The following AP1G1 variants were observed in gnomAD, a reference collection of about 807,000 sequenced individuals.
AP1G1 encodes AP-1 complex subunit gamma-1.
A neutral mutation model predicts 108.3 loss-of-function variants in AP1G1; 7 were observed. The observed-to-expected ratio is 0.06, with a 90% CI of 0.04 to 0.12. The LOEUF (loss-of-function observed/expected upper bound fraction) is 0.12. AP1G1 is among the 10% of genes least tolerant of loss of function. The pLI, the probability that AP1G1 is intolerant of heterozygous loss-of-function variation, is 1.00. For synonymous variants in AP1G1, 379 were observed against 353.5 expected (o/e 1.07, Z -0.81); for missense variants, 756 against 1,010.7 (o/e 0.75, Z 3.42).
chr16:71,806,514 T>C (rs1391426488), intron 1 of AP1G1, among the ~76,000 whole-genome samples: 4 of 152,172 alleles, frequency 2.6e-5, no homozygotes, highest in Non-Finnish European at 2.9e-5. Flanking sequence ...GTGTTGGGAT[T>C]ACAAGCATGA....
chr16:71,758,946 C>CA, intron 10 of AP1G1, 25 bp from the exon 11 acceptor site: 1 of 1,367,240 alleles, frequency 7.3e-7, no homozygotes, highest in Non-Finnish European at 1.0e-6. Flanking sequence ...TGCAAAATAA[C>CA]AGAGTTAAAA....
intron 1 of AP1G1, among the ~76,000 whole-genome samples, chr16:71,794,537 G>A (rs1018637379): frequency 1.2e-4 from 18 of 151,994 alleles, no homozygotes; most frequent in African/African-American, 3.1e-4. Flanking sequence ...AAAAACAGAG[G>A]AAAAAAGGAA....
In AP1G1 at chr16:71,750,321, A is replaced by G. The variant is rs1201462015; in HGVS notation, c.1296T>C (p.Tyr432=). The part of the protein sequence containing the change: ...IMRVLTTAGS[Y]VRDDAVPNLI... ...AATTGGGGACTGCATCATCACGAAC[A>G]TAACTTCCTGCCTAAAAGGAAATGC... The change falls in exon 14 of 23, where the codon TAT becomes TAC. Residue 432 remains tyrosine, a synonymous_variant. Transcript: ENST00000299980. The G allele has an allele frequency of 1.2e-5, 20 of 1,614,000 alleles. No individual in the cohort carries two copies. Among genetic ancestry groups the G allele is most frequent in the Non-Finnish European group, 1.7e-5 (20 of 1,179,980 alleles).
intron 10 of AP1G1, among the ~76,000 whole-genome samples, chr16:71,759,609 A>C (rs548840606): frequency 4.0e-5 from 6 of 150,738 alleles, no homozygotes; most frequent in Middle Eastern, 3.5e-3. Flanking sequence ...AAATACAAAA[A>C]ACTAGCTGGG....
At chr16:71,775,504 A>G (rs71386931) in intron 2 of AP1G1, among the ~76,000 whole-genome samples, 18 of 152,236 alleles carry the variant, frequency 1.2e-4, no homozygotes, top group African/African-American at 2.7e-4. Context: ...TAGAAGTATT[A>G]TAAGAGATTA....
chr16:71,775,613 T>A (rs2031753787), intron 2 of AP1G1, among the ~76,000 whole-genome samples: 1 of 152,072 alleles, frequency 6.6e-6, no homozygotes, highest in African/African-American at 2.4e-5. Flanking sequence ...AAAAACTCAA[T>A]AACTAGAAAT....
At chr16:71,761,045 C>T (rs1393576445) in intron 10 of AP1G1, among the ~76,000 whole-genome samples, 1 of 152,174 alleles carries the variant, frequency 6.6e-6, no homozygotes. Context: ...TAATTTAGAG[C>T]AGGGGTCAAC....
intron 1 of AP1G1, among the ~76,000 whole-genome samples, chr16:71,791,757 C>T (rs1342526382): frequency 7.3e-6 from 1 of 136,458 alleles, no homozygotes; most frequent in Non-Finnish European, 1.5e-5. Context: ...TAACACTAAA[C>T]TCTGACTTTT....
rs2045463051 is a variant in AP1G1 at position 71,730,037 on chromosome 16, G to A, written c.*3021C>T. Reference sequence around the variant, plus strand: ...AAAGTCTATTTTCATATATGAATGGGACAAACAAGGAGTACAAATCACACC... The same window carrying A: ...AAAGTCTATTTTCATATATGAATGGAACAAACAAGGAGTACAAATCACACC... On this transcript the variant is annotated 3_prime_UTR_variant, in exon 23 of 23. Transcript: ENST00000299980. The A allele has an allele frequency of 6.6e-6, 1 of 152,482 alleles. No individual in the cohort carries two copies. Among genetic ancestry groups the A allele is most frequent in the African/African-American group, 2.4e-5 (1 of 41,440 alleles). The allele number at this position is 152,482 out of a possible 1,614,324, so 9.4% of individuals were successfully genotyped here.
At chr16:71,758,423 G>C (rs1317545673) in intron 11 of AP1G1, 10 of 522,614 alleles carry the variant, frequency 1.9e-5, no homozygotes, top group South Asian at 1.3e-4. Flanking sequence ...AGCAGTTTGA[G>C]TGTCAGCATT....
intron 2 of AP1G1, among the ~76,000 whole-genome samples, chr16:71,783,838 T>C (rs2032109025): frequency 6.6e-6 from 1 of 152,196 alleles, no homozygotes; most frequent in Non-Finnish European, 1.5e-5. Flanking sequence ...TTTTATGTAC[T>C]GGCAGAAACA....
chr16:71,738,921 C>T (rs199808145), intron 21 of AP1G1, 21 bp downstream of exon 21: 1 of 1,588,326 alleles, frequency 6.3e-7, no homozygotes, highest in African/African-American at 1.4e-5. Context: ...AAGGAAACAT[C>T]TAAAGAAGAC....
At chr16:71,778,153 A>T (rs1200847542) in intron 2 of AP1G1, among the ~76,000 whole-genome samples, 1 of 152,242 alleles carries the variant, frequency 6.6e-6, no homozygotes, top group African/African-American at 2.4e-5. Flanking sequence ...AACAGCAAAA[A>T]GAAAAGCTGA....
chr16:71,761,199 A>C (rs915343003), intron 10 of AP1G1, among the ~76,000 whole-genome samples: 15 of 152,214 alleles, frequency 9.9e-5, no homozygotes, highest in Non-Finnish European at 2.9e-5. Flanking sequence ...ATCTATGGCT[A>C]ATTTCATGCT....
intron 9 of AP1G1, among the ~76,000 whole-genome samples, chr16:71,761,980 T>C (rs928101252): frequency 3.3e-5 from 5 of 152,152 alleles, no homozygotes; most frequent in African/African-American, 9.7e-5. Flanking sequence ...GCAATAACTA[T>C]ATTTAAAATG....
chr16:71,785,575 CAAAA>C (rs71389702), intron 2 of AP1G1, among the ~76,000 whole-genome samples: 13 of 73,112 alleles, frequency 1.8e-4, no homozygotes, highest in African/African-American at 3.4e-4. Flanking sequence ...AACCCTGCCT[CAAAA>C]AAAAAAAAAA....
chr16:71,737,371 C>T (rs1292860118), intron 21 of AP1G1, among the ~76,000 whole-genome samples: 1 of 152,134 alleles, frequency 6.6e-6, no homozygotes, highest in Non-Finnish European at 1.5e-5. Flanking sequence ...GCAACTTCCA[C>T]CTCCTGGGTT....
chr16:71,761,676 A>G (rs1357212003), intron 9 of AP1G1, 109 bp from the exon 10 acceptor site: 2 of 673,908 alleles, frequency 3.0e-6, no homozygotes, highest in African/African-American at 1.9e-5. Flanking sequence ...ACTGCTAGCA[A>G]AAAAAAAAAG....
intron 11 of AP1G1, among the ~76,000 whole-genome samples, chr16:71,757,653 T>G (rs1268118059): frequency 6.6e-6 from 1 of 152,152 alleles, no homozygotes; most frequent in East Asian, 1.9e-4. Context: ...CACTGAAAGT[T>G]TAAGTAATTT....
Sources: gnomAD v4.1 joint callset for allele counts (sites outside exome capture counted in the v4.1 genomes callset) on GRCh38, gnomAD v4.1.1 for gene constraint, MANE v1.5 for transcripts, NCBI Gene and HGNC (gene_info 2026-07-23, HGNC 2026-07-21) for gene names.